The following IMPG2 variants were observed in gnomAD, a reference collection of about 807,000 sequenced individuals.
IMPG2 encodes the protein IPM 200.
A neutral mutation model predicts 129.2 loss-of-function variants in IMPG2; 91 were observed. That is an observed-to-expected ratio of 0.70 (90% CI 0.59 to 0.84). The LOEUF (loss-of-function observed/expected upper bound fraction) is 0.84, where lower values mean the gene tolerates loss of function less well. Among genes scored for constraint, IMPG2 ranks in the 40% least tolerant of loss-of-function variants. The pLI, the probability that IMPG2 is intolerant of heterozygous loss-of-function variation, is 0.00. For synonymous variants in IMPG2, 510 were observed against 517.7 expected (o/e 0.99, Z 0.20); for missense variants, 1,430 against 1,461.7 (o/e 0.98, Z 0.35).
chr3:101,267,848 TG>T lies in IMPG2; in HGVS notation c.888-318del, dbSNP rs1706738137. Among the ~76,000 whole-genome samples the T allele has an allele frequency of 4.0e-5, 4 of 99,096 alleles. No individual in the cohort carries two copies. In the Admixed American group the frequency reaches 4.7e-4, roughly 12 times the overall value. 65.0% of individuals were successfully genotyped at this position (99,096 alleles called of 152,430 possible). The stretch of plus-strand genomic sequence containing the variant: ...CTCCAGTTGTTGGCTTTAACAAAAT[TG>T]GGAACCTTCTTTTTTGGGATACAAC... On this transcript the variant is annotated intron_variant, in intron 8 of 18. Transcript: ENST00000193391.
chr3:101,304,348 A>G (rs1035763874), intron 2 of IMPG2, 36 bp from the exon 3 acceptor site: 13 of 1,588,744 alleles, frequency 8.2e-6, no homozygotes, highest in East Asian at 2.2e-5. Flanking sequence ...ACAAAAAGCT[A>G]ACATGCTCTG....
chr3:101,271,967 A>G (rs1706787421), intron 7 of IMPG2, among the ~76,000 whole-genome samples: 1 of 152,146 alleles, frequency 6.6e-6, no homozygotes, highest in South Asian at 2.1e-4. Context: ...CTATGTGAGG[A>G]TCACACCGAC....
intron 7 of IMPG2, among the ~76,000 whole-genome samples, chr3:101,271,301 G>A (rs1706781040): frequency 6.6e-6 from 1 of 152,044 alleles, no homozygotes; most frequent in Admixed American, 6.6e-5. Flanking sequence ...TAAAAGAAAT[G>A]TACCTAAAAG....
At chr3:101,227,012 A>G (rs184993326) in intron 18 of IMPG2, 31 bp from the exon 19 acceptor site, 2 of 1,550,154 alleles carry the variant, frequency 1.3e-6, no homozygotes, top group East Asian at 2.3e-5. Context: ...GCAATTCAGT[A>G]AAAAAAAAGC....
At chr3:101,300,887 AGG>A (rs1424285070) in intron 3 of IMPG2, among the ~76,000 whole-genome samples, 3 of 152,250 alleles carry the variant, frequency 2.0e-5, no homozygotes, top group Non-Finnish European at 4.4e-5. Context: ...ACCTAGCTTA[AGG>A]CCTATCTCAG....
chr3:101,278,330 C>T (rs1185893368), intron 4 of IMPG2, among the ~76,000 whole-genome samples: 1 of 152,138 alleles, frequency 6.6e-6, no homozygotes, highest in Non-Finnish European at 1.5e-5. Flanking sequence ...CATAGACGTG[C>T]CCAGGTCTGT....
intron 4 of IMPG2, among the ~76,000 whole-genome samples, chr3:101,281,139 A>G (rs1706888931): frequency 6.6e-6 from 1 of 152,196 alleles, no homozygotes; most frequent in South Asian, 2.1e-4. Flanking sequence ...AATTTAACAA[A>G]TATTTAGTAA....
chr3:101,229,346 G>A (rs776346345), intron 17 of IMPG2, 34 bp downstream of exon 17: 4 of 1,149,936 alleles, frequency 3.5e-6, no homozygotes, highest in Non-Finnish European at 5.0e-6. Context: ...ACCAGCAGTA[G>A]CTGCGACAGC....
intron 2 of IMPG2, among the ~76,000 whole-genome samples, chr3:101,310,481 C>T (rs1707252112): frequency 6.7e-6 from 1 of 150,278 alleles, no homozygotes; most frequent in African/African-American, 2.5e-5. Context: ...ATCATCTGAA[C>T]CCAGGGAGAT....
rs1423983749 is a variant in IMPG2, at chr3:101,257,808, C to G, written c.909-35G>C. 13 of 1,611,232 alleles carry G rather than the reference C, an allele frequency of 8.1e-6. No homozygotes were observed. The East Asian group carries it at 2.9e-4, about 36-fold the overall frequency. On this transcript the variant is annotated intron_variant, in intron 9 of 18. Coordinates refer to ENST00000193391, the MANE Select transcript of IMPG2 (RefSeq NM_016247.4). ...GAAAGAGAGAACAGGTTAGGTTCAG[C>G]TAAGGAAGCACAAAGAAAGGAGCAT...
At chr3:101,278,906 C>A (rs1182228223) in intron 4 of IMPG2, among the ~76,000 whole-genome samples, 1 of 152,058 alleles carries the variant, frequency 6.6e-6, no homozygotes, top group Non-Finnish European at 1.5e-5. Flanking sequence ...CAGAGGACAG[C>A]ATGAGTGATG....
Position 101,246,113 on chromosome 3 carries a change from GA to G in IMPG2, c.1240-9del, listed in dbSNP as rs557392173. ...AGCTTGAAAGGTATTATCCTGGGGG[GA>G]AAAAAAGGCTAAATCATATCATAGA... On this transcript the variant is annotated splice_polypyrimidine_tract_variant and intron_variant, in intron 11 of 18. Transcript: ENST00000193391. The G allele has an allele frequency of 1.2e-5, 20 of 1,603,536 alleles. No homozygotes were observed. Among genetic ancestry groups the G allele is most frequent in the Middle Eastern group, 1.7e-4 (1 of 5,808 alleles).
chr3:101,266,001 T>A (rs917366288), intron 9 of IMPG2, among the ~76,000 whole-genome samples: 1 of 152,144 alleles, frequency 6.6e-6, no homozygotes, highest in Admixed American at 6.5e-5. Context: ...CAAAATGAAG[T>A]ATCATCTCAT....
intron 17 of IMPG2, among the ~76,000 whole-genome samples, chr3:101,229,147 A>G (rs988380853): frequency 6.6e-6 from 1 of 152,052 alleles, no homozygotes; most frequent in Non-Finnish European, 1.5e-5. Flanking sequence ...GCAAAAAAAA[A>G]AAAAAAGCGC....
intron 6 of IMPG2, among the ~76,000 whole-genome samples, chr3:101,275,259 T>C (rs1190982603): frequency 1.3e-5 from 2 of 152,186 alleles, no homozygotes; most frequent in South Asian, 2.1e-4. Context: ...TAATGGTACA[T>C]TCACAATGCA....
chr3:101,240,905 C>G (rs1325986781), intron 14 of IMPG2, among the ~76,000 whole-genome samples: 3 of 152,206 alleles, frequency 2.0e-5, no homozygotes, highest in Non-Finnish European at 2.9e-5. Flanking sequence ...AATACAAAGC[C>G]AGGCATTCCT....
chr3:101,240,125 A>T (rs558595755), intron 14 of IMPG2, among the ~76,000 whole-genome samples: 87 of 150,104 alleles, frequency 5.8e-4, no homozygotes, highest in African/African-American at 2.0e-3. Context: ...TTTATTTTTT[A>T]TTTTTTTTTA....
At position 101,245,974 on chromosome 3, in the gene IMPG2, A is replaced by G; in HGVS notation, c.1371T>C (p.Asp457=). The G allele has an allele frequency of 6.2e-7, 1 of 1,614,186 alleles. No individual in the cohort carries two copies. The highest frequency in any genetic ancestry group is 1.1e-5 in the South Asian group (1 of 91,090). ...RELWSESPLG[D]LVSTHKLAFP... is the part of the protein sequence containing the mutation. Reference sequence around the variant, plus strand: ...AGGCTAATTTGTGTGTAGACACTAAATCACCCAAAGGACTTTCTGACCAGA... The same window carrying G: ...AGGCTAATTTGTGTGTAGACACTAAGTCACCCAAAGGACTTTCTGACCAGA... Residue 457 remains aspartate, a synonymous_variant, in exon 12 of 19, where the codon GAT becomes GAC. Transcript: ENST00000193391.
intron 14 of IMPG2, among the ~76,000 whole-genome samples, chr3:101,241,008 A>T (rs1006749891): frequency 1.3e-5 from 2 of 152,230 alleles, no homozygotes; most frequent in Non-Finnish European, 2.9e-5. Flanking sequence ...AAGGCTTCCA[A>T]ATAAAAGCAA....
Sources: gnomAD v4.1 joint callset for allele counts (sites outside exome capture counted in the v4.1 genomes callset) on GRCh38, gnomAD v4.1.1 for gene constraint, MANE v1.5 for transcripts, NCBI Gene and HGNC (gene_info 2026-07-23, HGNC 2026-07-21) for gene names.